The following DHX30 variants were observed in gnomAD, a reference collection of about 807,000 sequenced individuals.
DHX30 encodes the protein ATP-dependent RNA helicase DHX30.
DHX30 carries 4 observed loss-of-function variants against 116.9 expected under a neutral mutation model. The observed-to-expected ratio is 0.03, with a 90% confidence interval of 0.02 to 0.08. The LOEUF (loss-of-function observed/expected upper bound fraction) is 0.08. Ranked by LOEUF, DHX30 falls within the 10% of genes least tolerant of loss-of-function variation. The probability of loss-of-function intolerance (pLI) is 1.00; values close to 1 mark genes in which losing one functional copy is unlikely to be tolerated. For synonymous variants in DHX30, 697 were observed against 651.7 expected, an observed-to-expected ratio of 1.07 and a Z score of -1.06; for missense variants, 871 against 1,595.1, an observed-to-expected ratio of 0.55 and a Z score of 7.73.
rs760654681 is a variant in DHX30 at position 47,848,185 on chromosome 3, C to A, written c.2292C>A (p.Ser764=). The change falls in exon 15 of 22, where the codon TCC becomes TCA. Residue 764 remains serine (S), a synonymous_variant. Transcript: ENST00000445061. This position sits in a 1 kb window ranked among gnomAD's most constrained non-coding sequence, Gnocchi z 9.4. ...EERYDLKTKV[S]CLETVWVSRA... ...TTACTTGCCACCTCCTCCAGGTGTC[C>A]TGCCTGGAGACAGTGTGGGTATCAA... The A allele has an allele frequency of 6.2e-7, 1 of 1,613,646 alleles. No homozygotes were observed. Among genetic ancestry groups the A allele is most frequent in the Non-Finnish European group, 8.5e-7 (1 of 1,179,970 alleles).
rs201533309 is a variant in DHX30, at chr3:47,847,237, G to A, written c.1930-36G>A. The A allele has an allele frequency of 4.2e-5, 68 of 1,613,658 alleles. No individual in the cohort carries two copies. The highest frequency in any genetic ancestry group is 7.7e-5 in the South Asian group (7 of 91,050). ...TGTCCTTGGCATGACCCCTTACCCCGGGGCTGTGACTGTGGCCTCTCTTCC... is the reference window on the plus strand; with the variant it reads ...TGTCCTTGGCATGACCCCTTACCCCAGGGCTGTGACTGTGGCCTCTCTTCC... On this transcript the variant is annotated intron_variant, in intron 11 of 21. Transcript: ENST00000445061. The surrounding 1 kb of genome is among the most constrained non-coding windows in gnomAD (Gnocchi z 5.5).
At chr3:47,806,164 A>G (rs1253425272) in intron 2 of DHX30, among the ~76,000 whole-genome samples, 94 of 77,798 alleles carry the variant, frequency 1.2e-3, no homozygotes, top group African/African-American at 3.3e-3. Flanking sequence ...TTTTTTTTAG[A>G]TGGGAGTCTC....
rs547994027 is a variant in DHX30 at position 47,805,029 on chromosome 3, G to A, written c.-122-297G>A. ...AGAACTCAAAGTGGAAGTAGGTTTT[G>A]CTCTGGGCTTCCAGAAAATGCTTTT... On this transcript the variant is annotated intron_variant, in intron 1 of 21. Coordinates refer to ENST00000445061, the MANE Select transcript of DHX30 (RefSeq NM_138615.3). 7.3e-4 allele frequency among the ~76,000 whole-genome samples: 111 copies of A among 152,206 alleles called. 1 individual carries two copies. Among genetic ancestry groups the A allele is most frequent in the Admixed American group, 7.2e-3 (110 of 15,266 alleles).
intron 7 of DHX30, 50 bp downstream of exon 7, chr3:47,841,228 G>C (rs376003526): frequency 3.1e-6 from 5 of 1,594,716 alleles, no homozygotes; most frequent in African/African-American, 2.7e-5. Flanking sequence ...GCCTTGACAC[G>C]GGGATGGGCG....
rs1461048102 is a variant in DHX30 at position 47,850,021 on chromosome 3, C to A, written c.3486C>A (p.Pro1162=). ...GCAGCGAGCTGGCTGCACTTCCCCC[C>A]AGCGTACAGGAGGAGCACGGGCAGC... ...SLRSELAALP[P]SVQEEHGQLL... is the part of the protein sequence containing the mutation. Residue 1162 remains proline (P), a synonymous_variant, in exon 22 of 22, where the codon CCC becomes CCA. Transcript: ENST00000445061. 2.5e-6 allele frequency: 4 copies of A among 1,610,212 alleles called. No individual in the cohort carries two copies. The highest frequency in any genetic ancestry group is 2.5e-6 in the Non-Finnish European group (3 of 1,179,102).
chr3:47,833,646 T>C (rs1393916819), intron 6 of DHX30, among the ~76,000 whole-genome samples: 1 of 149,702 alleles, frequency 6.7e-6, no homozygotes, highest in Non-Finnish European at 1.5e-5. Flanking sequence ...GATCACGAGG[T>C]CAGGAGTTCG....
rs989360259 is a variant in DHX30 at position 47,825,094 on chromosome 3, C to T, written c.125-2253C>T. The T allele has an allele frequency of 8.9e-6, 6 of 671,204 alleles. No individual in the cohort carries two copies. The Admixed American group carries it at 1.1e-4, about 12-fold the overall frequency. The allele number at this position is 671,204 out of a possible 1,614,324, so 41.6% of individuals were successfully genotyped here. On this transcript the variant is annotated intron_variant, in intron 4 of 21. Coordinates refer to ENST00000445061, the MANE Select transcript of DHX30 (RefSeq NM_138615.3). Reference sequence around the variant, plus strand: ...GGCCGCCGGCATCTCTCCGCGCCTGCAGCCGCTGGGTCCCCGCGCTGCTGG... The same window carrying T: ...GGCCGCCGGCATCTCTCCGCGCCTGTAGCCGCTGGGTCCCCGCGCTGCTGG...
At chr3:47,823,996 C>CTTTT (rs759550719) in intron 4 of DHX30, among the ~76,000 whole-genome samples, 41 of 100,372 alleles carry the variant, frequency 4.1e-4, no homozygotes, top group Non-Finnish European at 6.1e-4. Context: ...TTTTCTTTTC[C>CTTTT]TTTTTTTTTT....
At position 47,848,124 on chromosome 3, in the gene DHX30, T is replaced by G; in HGVS notation, c.2287-56T>G. On this transcript the variant is annotated intron_variant, in intron 14 of 21. Transcript: ENST00000445061. The surrounding 1 kb of genome is among the most constrained non-coding windows in gnomAD (Gnocchi z 9.4). Reference sequence around the variant, plus strand: ...GGGCTGGTGAGGGTTACTCAGGGAGTGGGGAAGCACTGAGGAAGTGGCATT... The same window carrying G: ...GGGCTGGTGAGGGTTACTCAGGGAGGGGGGAAGCACTGAGGAAGTGGCATT... The G allele has an allele frequency of 6.2e-7, 1 of 1,604,014 alleles. No homozygotes were observed. Among genetic ancestry groups the G allele is most frequent in the South Asian group, 1.1e-5 (1 of 90,516 alleles).
intron 6 of DHX30, among the ~76,000 whole-genome samples, chr3:47,834,092 C>A (rs1372287202): frequency 6.6e-6 from 1 of 152,010 alleles, no homozygotes; most frequent in Non-Finnish European, 1.5e-5. Context: ...CATATGAGAT[C>A]ATGTGGTATT....
rs749632056 is a variant in DHX30 at position 47,848,251 on chromosome 3, C to T, written c.2358C>T (p.Cys786=). 6.2e-7 allele frequency: 1 copy of T among 1,613,586 alleles called. No individual in the cohort carries two copies. The highest frequency in any genetic ancestry group is 1.1e-5 in the South Asian group (1 of 91,090). The change falls in exon 15 of 22, where the codon TGC becomes TGT. Residue 786 remains cysteine, a synonymous_variant. Transcript: ENST00000445061. The surrounding 1 kb of genome is among the most constrained non-coding windows in gnomAD (Gnocchi z 9.4). ...VIQRRGRAGR[C]QSGFAYHLFP... ...AGCGCCGGGGCCGGGCGGGCCGCTG[C>T]CAGTCCGGCTTTGCCTACCACTTGT...
Position 47,845,764 on chromosome 3 carries a change from T to C in DHX30, c.1004T>C (p.Leu335Ser). ...CACGCCATGTATAACCTGGCCTCTT[T>C]GCGTGAGCTGGGTGAGACCCAGCGC... ...LTHAMYNLAS[L>S]RELGETQRRP... Residue 335 changes from leucine to serine, a missense_variant, in exon 10 of 22, where the codon TTG becomes TCG. By Grantham distance (145) the Leu-to-Ser change is moderately radical (BLOSUM62 -2). This residue lies in a region of DHX30 where 175 missense variants were observed against 292.9 expected (regional missense o/e 0.60). Transcript: ENST00000445061. 6.2e-7 allele frequency: 1 copy of C among 1,612,664 alleles called. No homozygotes were observed. Among genetic ancestry groups the C allele is most frequent in the Non-Finnish European group, 8.5e-7 (1 of 1,178,782 alleles).
At chr3:47,833,727 G>A (rs180950283) in intron 6 of DHX30, among the ~76,000 whole-genome samples, 2 of 151,674 alleles carry the variant, frequency 1.3e-5, no homozygotes, top group African/African-American at 4.8e-5. Context: ...GCATAGTGGT[G>A]CATGCCTGTA....
intron 8 of DHX30, 175 bp downstream of exon 8, chr3:47,841,912 C>A (rs2037392894): frequency 1.2e-6 from 1 of 837,658 alleles, no homozygotes; most frequent in Non-Finnish European, 1.9e-6. Context: ...GAATGGAGGT[C>A]AAGCCTCAGC....
chr3:47,805,410 G>A lies in DHX30; in HGVS notation c.-38G>A. 2.5e-6 allele frequency: 1 copy of A among 399,084 alleles called. No homozygotes were observed. The highest frequency in any genetic ancestry group is 4.4e-6 in the Non-Finnish European group (1 of 226,084). The allele number at this position is 399,084 out of a possible 1,614,324, so 24.7% of individuals were successfully genotyped here. A position where few individuals can be genotyped will look rare whatever the true frequency, so the allele number is the denominator to read the frequency against. Reference sequence around the variant, plus strand: ...GCCTACAAAATCTGAGACTGTCATTGCTTTTATAAGGTAAGTTGATTTAGC... The same window carrying A: ...GCCTACAAAATCTGAGACTGTCATTACTTTTATAAGGTAAGTTGATTTAGC... On this transcript the variant is annotated 5_prime_UTR_variant, in exon 2 of 22. Coordinates refer to ENST00000445061, the MANE Select transcript of DHX30 (RefSeq NM_138615.3).
intron 6 of DHX30, among the ~76,000 whole-genome samples, chr3:47,838,472 C>T (rs972656421): frequency 2.0e-5 from 3 of 152,188 alleles, no homozygotes; most frequent in African/African-American, 7.2e-5. Flanking sequence ...CACCTTAGTT[C>T]ACCTTAGGTA....
rs2035471004 is a variant in DHX30 at position 47,805,403 on chromosome 3, T to C, written c.-45T>C. On this transcript the variant is annotated 5_prime_UTR_variant, in exon 2 of 22. Coordinates refer to ENST00000445061, the MANE Select transcript of DHX30 (RefSeq NM_138615.3). ...TTCAAAAGCCTACAAAATCTGAGAC[T>C]GTCATTGCTTTTATAAGGTAAGTTG... The C allele has an allele frequency of 2.5e-6, 1 of 398,972 alleles. No individual in the cohort carries two copies. Among genetic ancestry groups the C allele is most frequent in the African/African-American group, 2.1e-5 (1 of 48,652 alleles). The allele number at this position is 398,972 out of a possible 1,614,324, so 24.7% of individuals were successfully genotyped here. A position where few individuals can be genotyped will look rare whatever the true frequency, so the allele number is the denominator to read the frequency against.
chr3:47,804,330 G>A (rs139427683), intron 1 of DHX30, among the ~76,000 whole-genome samples: 1 of 152,296 alleles, frequency 6.6e-6, no homozygotes, highest in East Asian at 1.9e-4. Flanking sequence ...CGAGGCGGGT[G>A]GATCACCTGA....
In DHX30 at chr3:47,806,613, T is replaced by A. The variant is rs1042154598; in HGVS notation, c.-28+1193T>A. On this transcript the variant is annotated intron_variant, in intron 2 of 21. Coordinates refer to ENST00000445061, the MANE Select transcript of DHX30 (RefSeq NM_138615.3). ...GGCGTGCACCACCACGCCTGGCTAA[T>A]TTTTTGTATTTTTAGTGAAGATGGG... 3.3e-5 allele frequency among the ~76,000 whole-genome samples: 5 copies of A among 151,280 alleles called. No homozygotes were observed. In the South Asian group the frequency reaches 1.0e-3, roughly 32 times the overall value.
Sources: gnomAD v4.1 joint callset for allele counts (sites outside exome capture counted in the v4.1 genomes callset) on GRCh38, gnomAD v4.1.1 for gene constraint, gnomAD v4.1.1 regional missense constraint, Gnocchi (gnomAD v3.1) non-coding constraint, MANE v1.5 for transcripts, NCBI Gene and HGNC (gene_info 2026-07-23, HGNC 2026-07-21) for gene names.